Variants in EAF2 observed in about 807,000 individuals in gnomAD.
The protein encoded by EAF2 is ELL-associated factor 2.
Under a neutral mutation model 29.4 loss-of-function variants are expected in EAF2, and 29 were observed. The observed-to-expected ratio is 0.99, with a 90% CI of 0.73 to 1.35. EAF2 has a LOEUF of 1.35. Ranked by LOEUF, EAF2 falls within the 40% of genes most tolerant of loss-of-function variation. The pLI is 0.00. For synonymous variants in EAF2, 103 were observed against 102.5 expected, an observed-to-expected ratio of 1.00 and a Z score of -0.03; for missense variants, 292 against 312.0, an observed-to-expected ratio of 0.94 and a Z score of 0.48.
intron 1 of EAF2, among the ~76,000 whole-genome samples, chr3:121,842,520 T>TC (rs1199771007): frequency 6.6e-6 from 1 of 152,248 alleles, no homozygotes; most frequent in Non-Finnish European, 1.5e-5. Context: ...TTAATTTTTT[T>TC]CCACCCTCAC....
rs535680855 is a variant in EAF2, at chr3:121,865,273, A to T, written c.485-7264A>T. 2.0e-5 allele frequency among the ~76,000 whole-genome samples: 3 copies of T among 149,524 alleles called. No homozygotes were observed. In the East Asian group the frequency reaches 5.8e-4, roughly 29 times the overall value. On this transcript the variant is annotated intron_variant, in intron 4 of 5. Coordinates refer to ENST00000273668, the MANE Select transcript of EAF2 (RefSeq NM_018456.6). ...AAAAATTGTAAAAATTAAAAGTTAA[A>T]AAAAAGAAAGTTGTAGAGGTTAACA...
At chr3:121,871,188 T>C (rs1709006564) in intron 4 of EAF2, among the ~76,000 whole-genome samples, 1 of 151,432 alleles carries the variant, frequency 6.6e-6, no homozygotes, top group African/African-American at 2.4e-5. Context: ...TAATATAATA[T>C]AATATCATAG....
intron 2 of EAF2, among the ~76,000 whole-genome samples, chr3:121,845,018 A>T (rs982394251): frequency 2.0e-5 from 3 of 152,212 alleles, no homozygotes; most frequent in African/African-American, 7.2e-5. Context: ...GAGCCTTTAA[A>T]GGACAAGTAA....
At chr3:121,859,775 T>A (rs960069733) in intron 4 of EAF2, among the ~76,000 whole-genome samples, 14 of 152,308 alleles carry the variant, frequency 9.2e-5, no homozygotes, top group Admixed American at 7.8e-4. Flanking sequence ...TGCTTCCAGT[T>A]TTTGCCCATT....
chr3:121,860,618 CA>C (rs1340443507), intron 4 of EAF2, among the ~76,000 whole-genome samples: 5 of 151,976 alleles, frequency 3.3e-5, no homozygotes, highest in Non-Finnish European at 5.9e-5. Context: ...TTCAAAAAAC[CA>C]GCTCCTAGAT....
chr3:121,886,247 C>T (rs1027450944), intron 5 of EAF2, 95 bp from the exon 6 acceptor site: 14 of 697,670 alleles, frequency 2.0e-5, no homozygotes, highest in African/African-American at 7.6e-5. Flanking sequence ...AACAGAATCA[C>T]GCTTGGGGGC....
intron 3 of EAF2, among the ~76,000 whole-genome samples, chr3:121,856,154 A>G (rs191801541): frequency 8.4e-4 from 128 of 152,304 alleles, no homozygotes; most frequent in African/African-American, 1.3e-3. Context: ...CTCCTTTATT[A>G]TCATGCCTGT....
intron 4 of EAF2, among the ~76,000 whole-genome samples, chr3:121,863,496 A>C (rs1157346229): frequency 1.3e-5 from 2 of 152,174 alleles, no homozygotes; most frequent in Non-Finnish European, 1.5e-5. Context: ...GGACCCTCCG[A>C]GCCAGGTGCG....
At chr3:121,841,718 T>TA (rs966674348) in intron 1 of EAF2, among the ~76,000 whole-genome samples, 4 of 147,394 alleles carry the variant, frequency 2.7e-5, no homozygotes, top group African/African-American at 1.0e-4. Context: ...ACTAAAAATA[T>TA]AAAAAATAAG....
At chr3:121,877,294 G>GA (rs1709116761) in intron 5 of EAF2, among the ~76,000 whole-genome samples, 1 of 151,738 alleles carries the variant, frequency 6.6e-6, no homozygotes, top group East Asian at 1.9e-4. Flanking sequence ...GAGATTTTAT[G>GA]AATCTGTAAT....
intron 4 of EAF2, among the ~76,000 whole-genome samples, chr3:121,870,290 G>A (rs1708989435): frequency 6.6e-6 from 1 of 152,118 alleles, no homozygotes; most frequent in Non-Finnish European, 1.5e-5. Context: ...TGAAATATTA[G>A]CAAATTGAAT....
chr3:121,849,915 T>A (rs1420414927), intron 2 of EAF2, among the ~76,000 whole-genome samples: 2 of 138,954 alleles, frequency 1.4e-5, no homozygotes, highest in Non-Finnish European at 3.2e-5. Context: ...AAGTGCCTAC[T>A]TCTCTGATAT....
chr3:121,864,074 C>G (rs921870060), intron 4 of EAF2, among the ~76,000 whole-genome samples: 6 of 152,156 alleles, frequency 3.9e-5, no homozygotes, highest in Admixed American at 6.5e-5. Context: ...TTGCTGCTTA[C>G]TTCTCAGAAG....
intron 5 of EAF2, among the ~76,000 whole-genome samples, chr3:121,876,657 A>G (rs1314460227): frequency 6.6e-6 from 1 of 152,016 alleles, no homozygotes; most frequent in Non-Finnish European, 1.5e-5. Flanking sequence ...TTAGGAGGAT[A>G]GATACACTGA....
rs940834830 is a variant in EAF2, at chr3:121,840,504, A to AC, written c.107-3949_107-3948insC. On this transcript the variant is annotated intron_variant, in intron 1 of 5. Coordinates refer to ENST00000273668, the MANE Select transcript of EAF2 (RefSeq NM_018456.6). ...GACTTCGTCTAAAAAAAAAAAAAAA[A>AC]AAAAGAAAAAAAAAAAACGGGCCGG... Among the ~76,000 whole-genome samples, 33 of 75,998 alleles carry AC rather than the reference A, an allele frequency of 4.3e-4. 1 individual carries two copies. Among genetic ancestry groups the AC allele is most frequent in the Non-Finnish European group, 8.4e-4 (28 of 33,406 alleles). The allele number at this position is 75,998 out of a possible 152,430, so 49.9% of individuals were successfully genotyped here. A position where few individuals can be genotyped will look rare whatever the true frequency, so the allele number is the denominator to read the frequency against.
At chr3:121,878,269 A>C (rs988297942) in intron 5 of EAF2, among the ~76,000 whole-genome samples, 1 of 152,124 alleles carries the variant, frequency 6.6e-6, no homozygotes, top group Non-Finnish European at 1.5e-5. Context: ...ACTATATTTT[A>C]AAAAATTATT....
chr3:121,867,831 T>C (rs919311255), intron 4 of EAF2, among the ~76,000 whole-genome samples: 10 of 152,210 alleles, frequency 6.6e-5, no homozygotes, highest in Non-Finnish European at 1.2e-4. Flanking sequence ...AAAATAATGA[T>C]ATTTCAAAGT....
At chr3:121,866,504 T>C (rs1474945019) in intron 4 of EAF2, among the ~76,000 whole-genome samples, 3 of 152,092 alleles carry the variant, frequency 2.0e-5, no homozygotes, top group Admixed American at 2.0e-4. Context: ...GGCAAGCAGA[T>C]CACTTGAGGT....
chr3:121,870,354 T>A lies in EAF2; in HGVS notation c.485-2183T>A, dbSNP rs562067911. Among the ~76,000 whole-genome samples, 24 of 152,286 alleles carry A rather than the reference T, an allele frequency of 1.6e-4. No homozygotes were observed. In the South Asian group the frequency reaches 5.0e-3, roughly 32 times the overall value. Reference sequence around the variant, plus strand: ...CATGAACAAGACAACATTGCTATTCTCACATTTTATTTAGGAGTATGGATG... The same window carrying A: ...CATGAACAAGACAACATTGCTATTCACACATTTTATTTAGGAGTATGGATG... On this transcript the variant is annotated intron_variant, in intron 4 of 5. Transcript: ENST00000273668.
Sources: allele counts gnomAD v4.1 joint callset (sites outside exome capture counted in the v4.1 genomes callset), GRCh38; gene constraint gnomAD v4.1.1; transcripts MANE v1.5; gene names NCBI Gene and HGNC (gene_info 2026-07-23, HGNC 2026-07-21).